EDA: variants seen among roughly 807,000 people sequenced by gnomAD.
EDA encodes the protein ectodysplasin-A.
A neutral mutation model predicts 23.6 loss-of-function variants in EDA; 2 were observed. That is an observed-to-expected ratio of 0.08 (90% CI 0.03 to 0.27). The LOEUF is 0.27. EDA is among the 10% of genes least tolerant of loss of function. The pLI is 1.00. For missense variants in EDA, 229 were observed against 324.2 expected (o/e 0.71, Z 2.26); for synonymous variants, 131 against 132.0 (o/e 0.99, Z 0.05).
chrX:69,623,351 A>G (rs1184004804), intron 1 of EDA, among the ~76,000 whole-genome samples: 1 of 111,876 alleles, frequency 8.9e-6, no homozygotes, highest in Non-Finnish European at 1.9e-5. Flanking sequence ...TGATCCATAG[A>G]ATGACACACT....
At chrX:69,955,300 T>C (rs2018984203) in intron 1 of EDA, among the ~76,000 whole-genome samples, 1 of 112,217 alleles carries the variant, frequency 8.9e-6, no homozygotes, top group Non-Finnish European at 1.9e-5. Context: ...TGTGAAATTG[T>C]TGATTGATAT....
At chrX:69,715,079 T>G (rs2012268330) in intron 1 of EDA, among the ~76,000 whole-genome samples, 1 of 86,393 alleles carries the variant, frequency 1.2e-5, no homozygotes. Flanking sequence ...TTTTTTTTTT[T>G]TTTTACTTTT....
intron 1 of EDA, among the ~76,000 whole-genome samples, chrX:69,948,194 T>C (rs2018862075): frequency 8.9e-6 from 1 of 112,623 alleles, no homozygotes; most frequent in African/African-American, 3.2e-5. Flanking sequence ...TAGTACAATT[T>C]CACACTGGTG....
At chrX:69,687,741 T>TTATTG (rs1437303232) in intron 1 of EDA, 2 of 111,697 alleles carry the variant, frequency 1.8e-5, no homozygotes, top group African/African-American at 6.5e-5. Flanking sequence ...TTATTTTATT[T>TTATTG]TTATTTTGGC....
chrX:69,887,676 A>G (rs772120479), intron 1 of EDA, among the ~76,000 whole-genome samples: 7 of 112,088 alleles, frequency 6.2e-5, no homozygotes, highest in African/African-American at 1.9e-4. Flanking sequence ...GCATCAAGAG[A>G]TAAGAGATTC....
intron 2 of EDA, among the ~76,000 whole-genome samples, chrX:70,007,065 A>G (rs373960952): frequency 1.8e-5 from 2 of 111,422 alleles, no homozygotes; most frequent in East Asian, 2.8e-4. Context: ...TATTGACTGT[A>G]TTTGTGTGGG....
chrX:69,714,120 G>A (rs756127436), intron 1 of EDA, among the ~76,000 whole-genome samples: 1 of 111,143 alleles, frequency 9.0e-6, no homozygotes, highest in Non-Finnish European at 1.9e-5. Context: ...GGATAGGTGT[G>A]TAGTAGTGTA....
At chrX:69,688,437 A>T (rs754344719) in intron 1 of EDA, among the ~76,000 whole-genome samples, 6 of 111,128 alleles carry the variant, frequency 5.4e-5, no homozygotes, top group African/African-American at 1.6e-4. Flanking sequence ...GTTTCCCTTG[A>T]TCGCCCAGGC....
chrX:69,753,649 G>A (rs1329490069), intron 1 of EDA, among the ~76,000 whole-genome samples: 3 of 110,606 alleles, frequency 2.7e-5, no homozygotes, highest in African/African-American at 6.6e-5. Flanking sequence ...TTTCTGTCTC[G>A]ATCTGTTTAA....
chrX:69,653,413 A>G (rs1361013360), intron 1 of EDA, among the ~76,000 whole-genome samples: 8 of 111,509 alleles, frequency 7.2e-5, no homozygotes, highest in Admixed American at 1.9e-4. Flanking sequence ...CAATCATGTC[A>G]TCTGCAAACA....
intron 1 of EDA, among the ~76,000 whole-genome samples, chrX:69,752,754 A>T (rs1345304828): frequency 1.9e-5 from 2 of 108,051 alleles, no homozygotes; most frequent in Non-Finnish European, 3.8e-5. Context: ...CAATTTCAGA[A>T]CCTGTCATTG....
intron 1 of EDA, among the ~76,000 whole-genome samples, chrX:69,752,049 C>G (rs775274427): frequency 9.0e-6 from 1 of 110,875 alleles, no homozygotes; most frequent in South Asian, 3.9e-4. Context: ...TCCTCTTTTC[C>G]TAGTTGAATA....
intron 1 of EDA, among the ~76,000 whole-genome samples, chrX:69,819,485 T>C (rs1247776498): frequency 8.9e-6 from 1 of 112,283 alleles, no homozygotes; most frequent in Non-Finnish European, 1.9e-5. Context: ...CCCCATCGTC[T>C]AAGCCCAAAC....
At chrX:69,798,342 A>C (rs183701810) in intron 1 of EDA, among the ~76,000 whole-genome samples, 1 of 112,026 alleles carries the variant, frequency 8.9e-6, no homozygotes, top group Non-Finnish European at 1.9e-5. Context: ...AGAACAGTTT[A>C]TCTAACACCT....
At chrX:69,697,456 G>T (rs1011347374) in intron 1 of EDA, among the ~76,000 whole-genome samples, 3 of 111,588 alleles carry the variant, frequency 2.7e-5, no homozygotes, top group Non-Finnish European at 3.8e-5. Context: ...AAAGGGAAAA[G>T]CGATGACTTT....
chrX:69,807,004 T>G (rs1207438485), intron 1 of EDA, among the ~76,000 whole-genome samples: 3 of 111,152 alleles, frequency 2.7e-5, no homozygotes, highest in Non-Finnish European at 5.7e-5. Flanking sequence ...GAAAAAGAAA[T>G]GACTCGATTT....
intron 1 of EDA, among the ~76,000 whole-genome samples, chrX:69,748,458 T>G (rs764437786): frequency 5.1e-4 from 57 of 111,913 alleles, no homozygotes; most frequent in African/African-American, 1.8e-3. Context: ...AAAAAGCCCG[T>G]CGTGTGATAT....
chrX:69,674,388 A>G (rs5936488), intron 1 of EDA, among the ~76,000 whole-genome samples: 4,482 of 111,869 alleles, frequency 0.04, 99 homozygotes, highest in Non-Finnish European at 0.063. Context: ...TCTATTTAAC[A>G]TAAGTATTTC....
intron 1 of EDA, among the ~76,000 whole-genome samples, chrX:69,702,673 G>A (rs1277591103): frequency 3.6e-5 from 4 of 110,714 alleles, no homozygotes; most frequent in East Asian, 5.7e-4. Flanking sequence ...GGAGAAAGGC[G>A]ATCAGGGCGG....
Sources: gnomAD v4.1 joint callset for allele counts (sites outside exome capture counted in the v4.1 genomes callset) on GRCh38, gnomAD v4.1.1 for gene constraint, MANE v1.5 for transcripts, NCBI Gene and HGNC (gene_info 2026-07-23, HGNC 2026-07-21) for gene names.